The following LDLRAD4 variants were observed in gnomAD, a reference collection of about 807,000 sequenced individuals.
LDLRAD4 encodes the protein low density lipoprotein receptor class A domain containing 4, also known as low-density lipoprotein receptor class A domain-containing protein 4.
In LDLRAD4, 5 loss-of-function variants were observed where a neutral mutation model predicts 17.0. The ratio of observed to expected loss-of-function variants is 0.29; its 90% CI spans 0.15 to 0.62. The LOEUF is 0.62. Among genes scored for constraint, LDLRAD4 ranks in the 20% least tolerant of loss-of-function variants. LDLRAD4 has a pLI of 0.84. For missense variants in LDLRAD4, 340 were observed against 424.7 expected (o/e 0.80, Z 1.75); for synonymous variants, 168 against 171.8 (o/e 0.98, Z 0.17).
chr18:13,403,422 C>T (rs1389198098), intron 2 of LDLRAD4, among the ~76,000 whole-genome samples: 3 of 151,996 alleles, frequency 2.0e-5, no homozygotes, highest in Non-Finnish European at 4.4e-5. Flanking sequence ...CACTTCATGG[C>T]GTTATTATCA....
chr18:13,623,448 C>T (rs886148652), intron 4 of LDLRAD4, among the ~76,000 whole-genome samples: 1 of 152,384 alleles, frequency 6.6e-6, no homozygotes, highest in East Asian at 1.9e-4. Flanking sequence ...GATCCGGCTG[C>T]ACCGAGCTAT....
At chr18:13,518,296 G>A (rs115787987) in intron 3 of LDLRAD4, among the ~76,000 whole-genome samples, 2 of 152,066 alleles carry the variant, frequency 1.3e-5, no homozygotes, top group African/African-American at 4.8e-5. Context: ...ACAGTCATTA[G>A]TTCACTCCTC....
chr18:13,415,542 C>T (rs1436159520), intron 2 of LDLRAD4, among the ~76,000 whole-genome samples: 4 of 152,148 alleles, frequency 2.6e-5, no homozygotes, highest in African/African-American at 7.2e-5. Flanking sequence ...CTTGTCTCCC[C>T]GGTGGTTAGG....
In LDLRAD4 at chr18:13,617,071, G is replaced by A. The variant is rs142539618; in HGVS notation, c.182-4046G>A. ...TGTGTGGCAGGTTTATAAGAAAGCA[G>A]TCCCCTTAAAAAGAAAGATGGTGGG... On this transcript the variant is annotated intron_variant, in intron 3 of 5. Transcript: ENST00000359446. 1.9e-3 allele frequency among the ~76,000 whole-genome samples: 291 copies of A among 152,094 alleles called. 1 individual carries two copies. The highest frequency in any genetic ancestry group is 3.4e-3 in the Non-Finnish European group (233 of 67,976).
In LDLRAD4 at chr18:13,438,232, G is replaced by T; in HGVS notation, c.41-12G>T. 1 of 1,613,578 alleles carries T rather than the reference G, an allele frequency of 6.2e-7. No individual in the cohort carries two copies. The highest frequency in any genetic ancestry group is 8.5e-7 in the Non-Finnish European group (1 of 1,179,490). On this transcript the variant is annotated splice_polypyrimidine_tract_variant and intron_variant, in intron 2 of 5. Transcript: ENST00000359446. ...CATTGACTGCTCCATGCTTTATATT[G>T]TACTTTTTCAGAGTGCAAATTCACC...
At chr18:13,267,327 A>G (rs1164899881) in intron 1 of LDLRAD4, among the ~76,000 whole-genome samples, 1 of 151,990 alleles carries the variant, frequency 6.6e-6, no homozygotes, top group African/African-American at 2.4e-5. Flanking sequence ...TCTGTGTTGT[A>G]TTGTTTTTAG....
rs144202684 is a variant in LDLRAD4, at chr18:13,316,520, G to A, written c.-383+38332G>A. On this transcript the variant is annotated intron_variant, in intron 1 of 5. Transcript: ENST00000359446. ...GAAGCATGGGAATGTAGGAGGGAAT[G>A]CAGAGCCACGTAAACAGCAAAGCCA... Among the ~76,000 whole-genome samples, 11 of 152,322 alleles carry A rather than the reference G, an allele frequency of 7.2e-5. 1 individual carries two copies. The East Asian group carries it at 2.1e-3, about 29-fold the overall frequency.
At chr18:13,422,212 T>C (rs139213572) in intron 2 of LDLRAD4, among the ~76,000 whole-genome samples, 1 of 152,200 alleles carries the variant, frequency 6.6e-6, no homozygotes, top group Non-Finnish European at 1.5e-5. Flanking sequence ...ACATGTCACA[T>C]GGGCTTACAC....
At chr18:13,601,235 A>G (rs2095157211) in intron 3 of LDLRAD4, among the ~76,000 whole-genome samples, 1 of 152,244 alleles carries the variant, frequency 6.6e-6, no homozygotes, top group Non-Finnish European at 1.5e-5. Flanking sequence ...TTTAACAATG[A>G]TCATTTATCC....
intron 1 of LDLRAD4, among the ~76,000 whole-genome samples, chr18:13,313,343 C>T (rs536703692): frequency 6.6e-6 from 1 of 152,274 alleles, no homozygotes; most frequent in African/African-American, 2.4e-5. Context: ...GCTCTGACTG[C>T]AAGAAACCAA....
chr18:13,561,709 T>C (rs1223308062), intron 3 of LDLRAD4: 1 of 152,172 alleles, frequency 6.6e-6, no homozygotes, highest in Non-Finnish European at 1.5e-5. Flanking sequence ...AGTGTAGGAT[T>C]GATACCAACA....
chr18:13,435,328 AAATT>A (rs2090581067), intron 2 of LDLRAD4, among the ~76,000 whole-genome samples: 1 of 152,250 alleles, frequency 6.6e-6, no homozygotes, highest in Non-Finnish European at 1.5e-5. Context: ...AGAAGCCAAT[AAATT>A]AAAATTCTCA....
At chr18:13,360,558 A>G (rs569253821) in intron 1 of LDLRAD4, among the ~76,000 whole-genome samples, 2 of 152,396 alleles carry the variant, frequency 1.3e-5, no homozygotes, top group Admixed American at 6.5e-5. Flanking sequence ...CAGGTCATCA[A>G]TAATAACCAT....
chr18:13,249,940 G>A (rs2043150874), intron 1 of LDLRAD4, among the ~76,000 whole-genome samples: 1 of 152,128 alleles, frequency 6.6e-6, no homozygotes, highest in African/African-American at 2.4e-5. Context: ...TGACAGGTAG[G>A]GGTCTAGTTT....
intron 4 of LDLRAD4, among the ~76,000 whole-genome samples, chr18:13,624,724 G>A (rs1282780226): frequency 6.6e-6 from 1 of 152,200 alleles, no homozygotes; most frequent in Non-Finnish European, 1.5e-5. Flanking sequence ...CCTGTGTCAG[G>A]AAGCCCCCTC....
At chr18:13,325,853 C>T (rs1024275858) in intron 1 of LDLRAD4, among the ~76,000 whole-genome samples, 8 of 151,980 alleles carry the variant, frequency 5.3e-5, no homozygotes, top group Admixed American at 1.3e-4. Flanking sequence ...CCCGGGTTCA[C>T]GCCATTCTCC....
chr18:13,457,913 A>T (rs11872218), intron 3 of LDLRAD4, among the ~76,000 whole-genome samples: 54,620 of 152,064 alleles, frequency 0.36, 10,975 homozygotes, highest in Non-Finnish European at 0.44. Context: ...TGCCCCAGGG[A>T]TGTGGCAAAT....
In LDLRAD4 at chr18:13,422,010, C is replaced by T. The variant is rs377155916; in HGVS notation, c.41-16234C>T. 9.8e-5 allele frequency among the ~76,000 whole-genome samples: 15 copies of T among 152,352 alleles called. 1 individual carries two copies. The East Asian group carries it at 2.5e-3, about 25-fold the overall frequency. On this transcript the variant is annotated intron_variant, in intron 2 of 5. Coordinates refer to ENST00000359446, the Ensembl canonical transcript of LDLRAD4. ...TCTGATGCTCATTACACACCAGTTACGGAACTCCCCCGGGGAGGAGCTCTG... is the reference window on the plus strand; with the variant it reads ...TCTGATGCTCATTACACACCAGTTATGGAACTCCCCCGGGGAGGAGCTCTG...
At chr18:13,231,723 ATT>A (rs2042087793) in intron 1 of LDLRAD4, among the ~76,000 whole-genome samples, 1 of 152,254 alleles carries the variant, frequency 6.6e-6, no homozygotes, top group African/African-American at 2.4e-5. Context: ...ACGTGTAACT[ATT>A]TAAAGCTTTT....
Sources: allele counts gnomAD v4.1 joint callset (sites outside exome capture counted in the v4.1 genomes callset), GRCh38; gene constraint gnomAD v4.1.1; transcripts MANE v1.5; gene names NCBI Gene and HGNC (gene_info 2026-07-23, HGNC 2026-07-21).